The following SH3YL1 variants were observed in gnomAD, a reference collection of about 807,000 sequenced individuals.
SH3YL1 encodes the protein SH3 domain-containing YSC84-like protein 1.
In SH3YL1, 41 loss-of-function variants were observed where a neutral mutation model predicts 45.8. The observed-to-expected ratio is 0.89, with a 90% confidence interval of 0.70 to 1.16. The LOEUF (loss-of-function observed/expected upper bound fraction) is 1.16. Among genes scored for constraint, SH3YL1 ranks in the 50% most tolerant of loss-of-function variants. The probability of loss-of-function intolerance (pLI) is 0.00; values close to 1 mark genes in which losing one functional copy is unlikely to be tolerated. For missense variants in SH3YL1, 389 were observed against 409.6 expected, an observed-to-expected ratio of 0.95 and a Z score of 0.43; for synonymous variants, 152 against 151.4, an observed-to-expected ratio of 1.00 and a Z score of -0.03.
chr2:221,490 AG>A (rs1667572725), intron 9 of SH3YL1, among the ~76,000 whole-genome samples: 1 of 152,224 alleles, frequency 6.6e-6, no homozygotes, highest in Non-Finnish European at 1.5e-5. Context: ...CCTCACAATC[AG>A]GTGTTGGTCT....
At chr2:235,764 A>G (rs1377477330) in intron 4 of SH3YL1, among the ~76,000 whole-genome samples, 7 of 29,852 alleles carry the variant, frequency 2.3e-4, no homozygotes, top group African/African-American at 6.2e-4. Context: ...CAGGGGAGGC[A>G]GCAGCATGGG....
intron 8 of SH3YL1, among the ~76,000 whole-genome samples, chr2:226,323 T>C (rs1235864293): frequency 1.3e-5 from 2 of 152,144 alleles, no homozygotes; most frequent in African/African-American, 4.8e-5. Flanking sequence ...ATAATATAGA[T>C]AACATTTCCA....
intron 1 of SH3YL1, chr2:261,183 C>T (rs1669575371): frequency 1.3e-5 from 2 of 152,218 alleles, no homozygotes; most frequent in Admixed American, 1.3e-4. Flanking sequence ...AGCCTCAAAT[C>T]CCATCCTCAG....
chr2:262,524 G>C (rs886234771), intron 1 of SH3YL1: 2 of 1,236,814 alleles, frequency 1.6e-6, no homozygotes, highest in Non-Finnish European at 2.1e-6. Flanking sequence ...ACACTGGTCT[G>C]ATCTTTTAGA....
At chr2:251,671 A>C (rs1669076724) in intron 2 of SH3YL1, among the ~76,000 whole-genome samples, 1 of 152,178 alleles carries the variant, frequency 6.6e-6, no homozygotes, top group Non-Finnish European at 1.5e-5. Context: ...CTGATTTGTG[A>C]CGTCTGAGCA....
At chr2:255,788 C>T (rs1239409848) in intron 1 of SH3YL1, 1 of 152,124 alleles carries the variant, frequency 6.6e-6, no homozygotes, top group Non-Finnish European at 1.5e-5. Context: ...AAGGTATTTC[C>T]ACAGATACTT....
chr2:254,545 C>G (rs988337825), intron 1 of SH3YL1, among the ~76,000 whole-genome samples: 5 of 152,104 alleles, frequency 3.3e-5, no homozygotes, highest in African/African-American at 1.2e-4. Context: ...TGTTTCGCCT[C>G]AGTAATTTAC....
intron 5 of SH3YL1, among the ~76,000 whole-genome samples, chr2:233,495 G>T (rs1170654418): frequency 6.6e-6 from 1 of 152,214 alleles, no homozygotes; most frequent in Non-Finnish European, 1.5e-5. Context: ...AGTGCAGCAT[G>T]TGTAAATATA....
intron 3 of SH3YL1, 58 bp downstream of exon 3, chr2:249,673 A>G: frequency 1.5e-6 from 2 of 1,297,784 alleles, no homozygotes; most frequent in Non-Finnish European, 2.2e-6. Context: ...TGTTCACATG[A>G]AAACAGACAG....
At chr2:234,014 T>C (rs1161598890) in intron 5 of SH3YL1, 146 bp downstream of exon 5, 35 of 605,686 alleles carry the variant, frequency 5.8e-5, no homozygotes, top group Non-Finnish European at 8.6e-6. Flanking sequence ...GTGAATTTCC[T>C]ATTTGTGATG....
rs761464844 is a variant in SH3YL1 at position 233,201 on chromosome 2, T to C, written c.433A>G (p.Ser145Gly). The C allele has an allele frequency of 3.2e-6, 5 of 1,585,422 alleles. No individual in the cohort carries two copies. In the South Asian group the frequency reaches 4.6e-5, roughly 15 times the overall value. The part of the protein sequence containing the change: ...RNLEGNVALR[S>G]SAAVFTYCKS... ...CAGTACGTGAAGACGGCAGCGGAGC[T>C]TCTCAGGGCCACGTTTCCTTCCAAG... Residue 145 changes from serine (S) to glycine (G), a missense_variant, in exon 6 of 10, where the codon AGC (serine) becomes GGC (glycine). Transcript: ENST00000356150.
At chr2:224,838 T>C in intron 9 of SH3YL1, 26 bp downstream of exon 9, 1 of 1,521,194 alleles carries the variant, frequency 6.6e-7, no homozygotes, top group Non-Finnish European at 9.1e-7. Flanking sequence ...ATGAATCATT[T>C]ATAACATATA....
At chr2:240,275 T>A (rs898428654) in intron 4 of SH3YL1, 2 of 152,248 alleles carry the variant, frequency 1.3e-5, no homozygotes, top group Admixed American at 6.5e-5. Flanking sequence ...GCTGCAGGGA[T>A]GTCACTCCAA....
At chr2:263,948 G>A (rs1342824596) in intron 1 of SH3YL1, 36 bp downstream of exon 1, 5 of 1,480,996 alleles carry the variant, frequency 3.4e-6, no homozygotes, top group East Asian at 2.7e-5. Flanking sequence ...TGAGAGGGGA[G>A]GGTGCTGCCG....
chr2:248,822 AAG>A (rs1314307438), intron 3 of SH3YL1, among the ~76,000 whole-genome samples: 5 of 152,182 alleles, frequency 3.3e-5, no homozygotes, highest in African/African-American at 1.2e-4. Context: ...GCTTGAGAAA[AAG>A]AGAATTATTT....
At chr2:229,669 C>T (rs1017847019) in intron 8 of SH3YL1, among the ~76,000 whole-genome samples, 2 of 136,758 alleles carry the variant, frequency 1.5e-5, no homozygotes, top group Admixed American at 8.3e-5. Flanking sequence ...GCGGAGCTTG[C>T]AGTGAGCCGA....
intron 1 of SH3YL1, chr2:262,526 T>A: frequency 8.0e-7 from 1 of 1,243,398 alleles, no homozygotes; most frequent in African/African-American, 1.5e-5. Flanking sequence ...ACTGGTCTGA[T>A]CTTTTAGAGT....
In SH3YL1 at chr2:224,875, T is replaced by C. The variant is rs771652662; in HGVS notation, c.827A>G (p.His276Arg). ...ATTTACTGATTTACCAACTCTCTCA[T>C]GATAGCTGGAAAGTCCAGGATAGAG... ...YKLYPGLSSY[H>R]ERVGNLNQPI... Residue 276 changes from histidine to arginine, a missense_variant, in exon 9 of 10, where the codon CAT (histidine) becomes CGT (arginine). Transcript: ENST00000356150. 1 of 1,607,378 alleles carries C rather than the reference T, an allele frequency of 6.2e-7. No homozygotes were observed. Among genetic ancestry groups the C allele is most frequent in the Non-Finnish European group, 8.5e-7 (1 of 1,173,888 alleles).
rs1045930410 is a variant in SH3YL1, at chr2:263,884, C to G, written c.1+100G>C. On this transcript the variant is annotated intron_variant, in intron 1 of 9. Coordinates refer to ENST00000356150, the MANE Select transcript of SH3YL1 (RefSeq NM_015677.4). ...GTTAACAGACGCGCGACCTAGAAAC[C>G]CCAGAGGCATCGCCGGTTTTCCCGT... The G allele has an allele frequency of 4.0e-5, 41 of 1,032,298 alleles. No homozygotes were observed. In the South Asian group the frequency reaches 4.8e-4, roughly 12 times the overall value. The allele number at this position is 1,032,298 out of a possible 1,614,324, so 63.9% of individuals were successfully genotyped here.
Sources: allele counts gnomAD v4.1 joint callset (sites outside exome capture counted in the v4.1 genomes callset), GRCh38; gene constraint gnomAD v4.1.1; transcripts MANE v1.5; gene names NCBI Gene and HGNC (gene_info 2026-07-23, HGNC 2026-07-21).